GTF3C1: variants seen among roughly 807,000 people sequenced by gnomAD.
GTF3C1 encodes general transcription factor 3C polypeptide 1.
Under a neutral mutation model 226.7 loss-of-function variants are expected in GTF3C1, and 57 were observed. The ratio of observed to expected loss-of-function variants is 0.25; its 90% confidence interval spans 0.20 to 0.31. The LOEUF (loss-of-function observed/expected upper bound fraction) is 0.31. Ranked by LOEUF, GTF3C1 falls within the 10% of genes least tolerant of loss-of-function variation. GTF3C1 has a pLI of 1.00. For synonymous variants in GTF3C1, 1,090 were observed against 1,084.8 expected, an observed-to-expected ratio of 1.00 and a Z score of -0.09; for missense variants, 2,217 against 2,776.1, an observed-to-expected ratio of 0.80 and a Z score of 4.53.
chr16:27,520,007 G>T (rs1200913694), intron 6 of GTF3C1, among the ~76,000 whole-genome samples: 1 of 152,200 alleles, frequency 6.6e-6, no homozygotes, highest in Non-Finnish European at 1.5e-5. Context: ...CCCACTACTT[G>T]GGAGGGTAAG....
Position 27,464,325 on chromosome 16 carries a change from G to C in GTF3C1, c.5867C>G (p.Pro1956Arg). 6.7e-7 allele frequency: 1 copy of C among 1,494,130 alleles called. No individual in the cohort carries two copies. Among genetic ancestry groups the C allele is most frequent in the Non-Finnish European group, 8.9e-7 (1 of 1,124,154 alleles). The allele number at this position is 1,494,130 out of a possible 1,614,324, so 92.6% of individuals were successfully genotyped here. Residue 1956 changes from proline to arginine, a missense_variant, in exon 34 of 37, where the codon CCC becomes CGC. By Grantham distance (103) the Pro-to-Arg change is moderately radical (BLOSUM62 -2). Transcript: ENST00000356183. ...GGGGACAAGGCGCGCGGTACCTCTG[G>C]GGTCTTCAGAGCCCTCTGGAGGCTG... ...QAQPPEGSED[P>R]RGFTESFGAA...
intron 33 of GTF3C1, 98 bp from the exon 34 acceptor site, chr16:27,464,934 T>G: frequency 9.7e-7 from 1 of 1,033,290 alleles, no homozygotes; most frequent in East Asian, 2.7e-5. Context: ...ACTGGCGGGT[T>G]GAGTGCCCTG....
At chr16:27,494,680 TCCTCCCTTGCCCAGGTGAGTGTAGGC>T (rs2088287888) in intron 16 of GTF3C1, 57 bp downstream of exon 16, 2 of 975,468 alleles carry the variant, frequency 2.1e-6, no homozygotes, top group South Asian at 1.4e-5. Flanking sequence ...TCTTCAAGTA[TCCTCCCTTGCCCAGGTGAGTGTAGGC>T]CCTCCAGCCC....
intron 10 of GTF3C1, among the ~76,000 whole-genome samples, chr16:27,505,575 G>C (rs2088471637): frequency 6.6e-6 from 1 of 152,166 alleles, no homozygotes. Context: ...ACAGAAAAGG[G>C]GTAAAACTGG....
At chr16:27,482,207 G>C (rs1412165743) in intron 26 of GTF3C1, among the ~76,000 whole-genome samples, 1 of 152,202 alleles carries the variant, frequency 6.6e-6, no homozygotes, top group African/African-American at 2.4e-5. Context: ...TTTGCAACCA[G>C]GGGGTGACTG....
At position 27,532,612 on chromosome 16, in the gene GTF3C1, A is replaced by G. The variant is rs573054877; in HGVS notation, c.849+679T>C. ...GGGCCCAAAGACGAAGCAGGTCAAC[A>G]GCTGCCTTCCTCCCTGCGTCCTCTC... On this transcript the variant is annotated intron_variant, in intron 5 of 36. Transcript: ENST00000356183. Among the ~76,000 whole-genome samples the G allele has an allele frequency of 2.6e-5, 4 of 152,242 alleles. No homozygotes were observed. The East Asian group carries it at 7.7e-4, about 29-fold the overall frequency.
intron 29 of GTF3C1, among the ~76,000 whole-genome samples, chr16:27,474,439 G>A (rs1446535531): frequency 6.6e-6 from 1 of 152,130 alleles, no homozygotes; most frequent in Non-Finnish European, 1.5e-5. Context: ...TTCTTGTTTG[G>A]AGGTGGGGTA....
At chr16:27,474,219 G>C (rs2087919403) in intron 29 of GTF3C1, among the ~76,000 whole-genome samples, 1 of 152,222 alleles carries the variant, frequency 6.6e-6, no homozygotes, top group Non-Finnish European at 1.5e-5. Context: ...CGGGGAGGGA[G>C]GCTACGCAGG....
intron 6 of GTF3C1, among the ~76,000 whole-genome samples, chr16:27,516,201 C>T (rs1305387172): frequency 3.3e-5 from 5 of 152,222 alleles, no homozygotes; most frequent in Admixed American, 2.0e-4. Flanking sequence ...CCTAGAGACT[C>T]GTGCGAAGGC....
In GTF3C1 at chr16:27,492,669, T is replaced by C; in HGVS notation, c.2921A>G (p.Tyr974Cys). 1 of 1,607,294 alleles carries C rather than the reference T, an allele frequency of 6.2e-7. No homozygotes were observed. The highest frequency in any genetic ancestry group is 1.3e-5 in the African/African-American group (1 of 74,920). Reference protein sequence around the residue: ...SVVENLQRLCYMGLLQFGPTE... With the variant: ...SVVENLQRLCCMGLLQFGPTE... ...GGGACCAAACTGTAGCAGCCCCATG[T>C]AGCACAGCCTCTGAAGGTTCTCCAC... is the stretch of plus-strand genomic sequence containing the variant. The change falls in exon 18 of 37, where the codon TAC (tyrosine) becomes TGC (cysteine). Residue 974 changes from tyrosine to cysteine, a missense_variant. Transcript: ENST00000356183. This position sits in a 1 kb window ranked among gnomAD's most constrained non-coding sequence, Gnocchi z 5.0.
At chr16:27,494,945 G>A (rs763739199) in intron 15 of GTF3C1, 37 bp from the exon 16 acceptor site, 1 of 1,594,624 alleles carries the variant, frequency 6.3e-7, no homozygotes. Context: ...CGGCAGCCAG[G>A]ATACCAGTCA....
Position 27,497,669 on chromosome 16 carries a change from A to T in GTF3C1, c.2318T>A (p.Ile773Lys). ...RMKKSDNKMG[I>K]TPLRNYHPIV... ...GGGGTGATAATTTCTAAGCGGGGTT[A>T]TGCCCATTTTATTATCACTTTTTTT... The change falls in exon 14 of 37, where the codon ATA (isoleucine) becomes AAA (lysine). Residue 773 changes from isoleucine to lysine, a missense_variant. Ile to Lys is a moderately radical substitution (Grantham distance 102). Around this residue, in one of 12 missense-constraint regions of GTF3C1, gnomAD observed 100 missense variants for 139.9 expected, o/e 0.71. Transcript: ENST00000356183. 6.2e-7 allele frequency: 1 copy of T among 1,613,992 alleles called. No homozygotes were observed. The highest frequency in any genetic ancestry group is 8.5e-7 in the Non-Finnish European group (1 of 1,179,846).
At position 27,492,545 on chromosome 16, in the gene GTF3C1, C is replaced by T. The variant is rs1308238876; in HGVS notation, c.2974-30G>A. The T allele has an allele frequency of 1.9e-6, 3 of 1,581,742 alleles. No homozygotes were observed. Among genetic ancestry groups the T allele is most frequent in the Middle Eastern group, 1.7e-4 (1 of 6,042 alleles). ...GGGGAGACACCAGACAGGGAGAACC[C>T]ACATTGGGTCTGGCTGCTTGGAGAC... On this transcript the variant is annotated intron_variant, in intron 18 of 36. Coordinates refer to ENST00000356183, the MANE Select transcript of GTF3C1 (RefSeq NM_001520.4). This position sits in a 1 kb window ranked among gnomAD's most constrained non-coding sequence, Gnocchi z 5.0.
intron 6 of GTF3C1, among the ~76,000 whole-genome samples, chr16:27,528,210 G>A (rs2088861898): frequency 6.6e-6 from 1 of 152,190 alleles, no homozygotes; most frequent in African/African-American, 2.4e-5. Flanking sequence ...GAAAGGCAGA[G>A]GTTGTAGTGA....
At chr16:27,499,692 A>G (rs575293862) in intron 12 of GTF3C1, among the ~76,000 whole-genome samples, 2 of 152,190 alleles carry the variant, frequency 1.3e-5, no homozygotes, top group African/African-American at 4.8e-5. Flanking sequence ...GTGAAGCTCA[A>G]ATGAGACGCA....
rs1240281989 is a variant in GTF3C1, at chr16:27,507,632, T to C, written c.1243-476A>G. 6.6e-6 allele frequency among the ~76,000 whole-genome samples: 1 copy of C among 152,206 alleles called. No individual in the cohort carries two copies. Among genetic ancestry groups the C allele is most frequent in the Non-Finnish European group, 1.5e-5 (1 of 68,034 alleles). ...CGTCTAGAACAGGGCAAGGGGCTCT[T>C]CCCAGGGCCTTTGATAGGAAAAGAG... is the stretch of plus-strand genomic sequence containing the variant. On this transcript the variant is annotated intron_variant, in intron 8 of 36. Coordinates refer to ENST00000356183, the MANE Select transcript of GTF3C1 (RefSeq NM_001520.4). This position sits in a 1 kb window ranked among gnomAD's most constrained non-coding sequence, Gnocchi z 4.9.
In GTF3C1 at chr16:27,464,857, C is replaced by T. The variant is rs751813220; in HGVS notation, c.5356-21G>A. 6.7e-6 allele frequency: 10 copies of T among 1,497,084 alleles called. No individual in the cohort carries two copies. In the African/African-American group the frequency reaches 9.8e-5, roughly 15 times the overall value. The allele number at this position is 1,497,084 out of a possible 1,614,324, so 92.7% of individuals were successfully genotyped here. On this transcript the variant is annotated intron_variant, in intron 33 of 36. Coordinates refer to ENST00000356183, the MANE Select transcript of GTF3C1 (RefSeq NM_001520.4). ...AGGGCCTGGGGAGGCAGGAGACACG[C>T]GGGGTCTGTGGGGAGCTCGGGATCC... is the stretch of plus-strand genomic sequence containing the variant.
At chr16:27,522,420 A>T (rs2088763842) in intron 6 of GTF3C1, among the ~76,000 whole-genome samples, 1 of 152,136 alleles carries the variant, frequency 6.6e-6, no homozygotes, top group South Asian at 2.1e-4. Context: ...TTGACCATAG[A>T]TGTGTGATTT....
intron 20 of GTF3C1, 115 bp downstream of exon 20, chr16:27,489,487 C>G (rs1432263924): frequency 2.6e-6 from 2 of 776,610 alleles, no homozygotes; most frequent in East Asian, 2.7e-5. Context: ...GCCTCTGCAC[C>G]GGAGACACAG....
Sources: allele counts gnomAD v4.1 joint callset (sites outside exome capture counted in the v4.1 genomes callset), GRCh38; gene constraint gnomAD v4.1.1; regional missense constraint gnomAD v4.1.1; non-coding constraint Gnocchi (gnomAD v3.1); transcripts MANE v1.5; gene names NCBI Gene and HGNC (gene_info 2026-07-23, HGNC 2026-07-21).